Variants in ALKBH2 observed in about 807,000 individuals in gnomAD.
ALKBH2 encodes alkB homolog 2, alpha-ketoglutarate dependent dioxygenase.
In ALKBH2, 19 loss-of-function variants were observed where a neutral mutation model predicts 19.7. The observed-to-expected ratio is 0.97, with a 90% confidence interval of 0.67 to 1.42. The LOEUF is 1.42. ALKBH2 is among the 40% of genes most tolerant of loss of function. The pLI, the probability that ALKBH2 is intolerant of heterozygous loss-of-function variation, is 0.00. For synonymous variants in ALKBH2, 135 were observed against 131.2 expected, an observed-to-expected ratio of 1.03 and a Z score of -0.20; for missense variants, 310 against 328.5, an observed-to-expected ratio of 0.94 and a Z score of 0.43.
chr12:109,093,470 G>A lies in ALKBH2; in HGVS notation c.-375C>T, dbSNP rs1264124278. ...ACCCTGGTGGCCTCGTGGTGGGAAA[G>A]ACGCGCCCCAGCGAATCGGTCGCGT... is the stretch of plus-strand genomic sequence containing the variant. On this transcript the variant is annotated 5_prime_UTR_variant, in exon 1 of 4. Coordinates refer to ENST00000429722, the MANE Select transcript of ALKBH2 (RefSeq NM_001145374.2). 1.3e-5 allele frequency: 2 copies of A among 152,264 alleles called. No individual in the cohort carries two copies. The highest frequency in any genetic ancestry group is 2.9e-5 in the Non-Finnish European group (2 of 68,056). The allele number at this position is 152,264 out of a possible 1,614,324, so 9.4% of individuals were successfully genotyped here. A position where few individuals can be genotyped will look rare whatever the true frequency, so the allele number is the denominator to read the frequency against.
intron 2 of ALKBH2, among the ~76,000 whole-genome samples, chr12:109,091,816 C>T (rs1327886626): frequency 6.6e-6 from 1 of 152,210 alleles, no homozygotes; most frequent in East Asian, 1.9e-4. Context: ...TCCCAAAGTG[C>T]TGGGATTACA....
intron 3 of ALKBH2, 36 bp downstream of exon 3, chr12:109,089,973 G>A (rs1209833813): frequency 3.1e-6 from 5 of 1,608,504 alleles, no homozygotes; most frequent in Non-Finnish European, 4.3e-6. Flanking sequence ...GGAGACAGAA[G>A]ACTTGTAACA....
chr12:109,092,657 C>G lies in ALKBH2; in HGVS notation c.130G>C (p.Glu44Gln), dbSNP rs1170446894. 1 of 1,614,168 alleles carries G rather than the reference C, an allele frequency of 6.2e-7. No homozygotes were observed. The highest frequency in any genetic ancestry group is 1.7e-5 in the Admixed American group (1 of 60,022). The change falls in exon 2 of 4, where the codon GAG (glutamate) becomes CAG (glutamine). Residue 44 changes from glutamate (E) to glutamine (Q), a missense_variant. Physicochemically the swap from Glu to Gln is conservative, Grantham distance 29. Coordinates refer to ENST00000429722, the MANE Select transcript of ALKBH2 (RefSeq NM_001145374.2). The part of the protein sequence containing the change: ...KESTRKRPRR[E>Q]APGNGGHSAG... ...GAGTGGCCTCCATTCCCTGGGGCCT[C>G]TCTCCTGGGCCTCTTCCTTGTGCTT...
chr12:109,089,528 C>G (rs1052367119), intron 3 of ALKBH2: 6 of 186,136 alleles, frequency 3.2e-5, no homozygotes, highest in African/African-American at 9.4e-5. Context: ...TGCAGTGCTG[C>G]CGTTGAGAAA....
chr12:109,090,352 G>A (rs552148611), intron 2 of ALKBH2, 145 bp from the exon 3 acceptor site: 5 of 689,078 alleles, frequency 7.3e-6, no homozygotes, highest in Non-Finnish European at 1.2e-5. Context: ...AGGGAAGTAA[G>A]GAATAACATT....
intron 2 of ALKBH2, among the ~76,000 whole-genome samples, chr12:109,091,793 G>A (rs1189703481): frequency 6.6e-6 from 1 of 152,100 alleles, no homozygotes; most frequent in Non-Finnish European, 1.5e-5. Context: ...CAAGTGATTC[G>A]CCCGTCTCGG....
chr12:109,090,136 C>A lies in ALKBH2; in HGVS notation c.352G>T (p.Ala118Ser). ...CCTGAAAATGTGTAGGTCAGCCCAG[C>A]GTCGCCATACGTTGCCTGCTTCCTG... The part of the protein sequence containing the change: ...VPRKQATYGD[A>S]GLTYTFSGLT... Residue 118 changes from alanine to serine, a missense_variant, in exon 3 of 4, where the codon GCT (alanine) becomes TCT (serine). Physicochemically the swap from Ala to Ser is moderately conservative, Grantham distance 99. Coordinates refer to ENST00000429722, the MANE Select transcript of ALKBH2 (RefSeq NM_001145374.2). 1 of 1,614,022 alleles carries A rather than the reference C, an allele frequency of 6.2e-7. No individual in the cohort carries two copies. The highest frequency in any genetic ancestry group is 1.1e-5 in the South Asian group (1 of 91,076).
rs2135871935 is a variant in ALKBH2, at chr12:109,092,810, A to G, written c.-24T>C. On this transcript the variant is annotated 5_prime_UTR_variant, in exon 2 of 4. Coordinates refer to ENST00000429722, the MANE Select transcript of ALKBH2 (RefSeq NM_001145374.2). ...ATCCTGTCCCCACAGGAAAGAAGGG[A>G]CGTCAGTGGCGAGGCCAAGACAGAA... 1 of 1,585,610 alleles carries G rather than the reference A, an allele frequency of 6.3e-7. No homozygotes were observed. Among genetic ancestry groups the G allele is most frequent in the South Asian group, 1.2e-5 (1 of 86,942 alleles).
intron 1 of ALKBH2, 92 bp from the exon 2 acceptor site, chr12:109,093,029 G>T: frequency 9.3e-7 from 1 of 1,071,524 alleles, no homozygotes; most frequent in Non-Finnish European, 1.2e-6. Flanking sequence ...ATCAGAATCA[G>T]CTGGCTAGCT....
rs555303538 is a variant in ALKBH2 at position 109,092,612 on chromosome 12, G to C, written c.175C>G (p.His59Asp). Residue 59 changes from histidine (H) to aspartate (D), a missense_variant, in exon 2 of 4, where the codon CAC becomes GAC. Coordinates refer to ENST00000429722, the MANE Select transcript of ALKBH2 (RefSeq NM_001145374.2). ...GGHSAGPSWR[H>D]IRAEGLDCSY... ...CAGTCCAGGCCCTCAGCCCGAATGT[G>C]CCGCCAGCTAGGGCCTGCTGAGTGG... 14 of 1,614,170 alleles carry C rather than the reference G, an allele frequency of 8.7e-6. No individual in the cohort carries two copies. The South Asian group carries it at 1.4e-4, about 16-fold the overall frequency.
intron 2 of ALKBH2, among the ~76,000 whole-genome samples, chr12:109,091,600 C>T (rs1229357360): frequency 1.3e-5 from 2 of 152,058 alleles, no homozygotes; most frequent in Admixed American, 6.6e-5. Flanking sequence ...TGCAGTGGTG[C>T]GATCTCGGCT....
chr12:109,089,613 ACTGT>A (rs1437457573), intron 3 of ALKBH2: 3 of 226,436 alleles, frequency 1.3e-5, no homozygotes, highest in African/African-American at 6.8e-5. Flanking sequence ...GATGGTTATC[ACTGT>A]CTGAAATCGT....
rs1034125378 is a variant in ALKBH2, at chr12:109,088,699, C to T, written c.480-187G>A. ...AGCCAACGCTGAAGAGGTCTGTTGA[C>T]GTATTTGTTCATGTGACTTATTTAT... On this transcript the variant is annotated intron_variant, in intron 3 of 3. Coordinates refer to ENST00000429722, the MANE Select transcript of ALKBH2 (RefSeq NM_001145374.2). This position sits in a 1 kb window ranked among gnomAD's most constrained non-coding sequence, Gnocchi z 4.2. Among the ~76,000 whole-genome samples, 2 of 152,114 alleles carry T rather than the reference C, an allele frequency of 1.3e-5. No individual in the cohort carries two copies. The highest frequency in any genetic ancestry group is 6.6e-5 in the Admixed American group (1 of 15,260).
chr12:109,088,195 T>C lies in ALKBH2; in HGVS notation c.*11A>G. 6.3e-7 allele frequency: 1 copy of C among 1,586,892 alleles called. No individual in the cohort carries two copies. The highest frequency in any genetic ancestry group is 8.6e-7 in the Non-Finnish European group (1 of 1,167,454). On this transcript the variant is annotated 3_prime_UTR_variant, in exon 4 of 4. Transcript: ENST00000429722. This position sits in a 1 kb window ranked among gnomAD's most constrained non-coding sequence, Gnocchi z 4.2. ...GGGAAAGAGAAAAGAGAAAAACTGT[T>C]AAAAATGTTTTTATTTTTTAGTAAG...
At position 109,092,602 on chromosome 12, in the gene ALKBH2, G is replaced by A. The variant is rs749734125; in HGVS notation, c.185C>T (p.Ala62Val). The A allele has an allele frequency of 1.9e-6, 3 of 1,613,998 alleles. No individual in the cohort carries two copies. The African/African-American group carries it at 4.0e-5, about 22-fold the overall frequency. The change falls in exon 2 of 4, where the codon GCT becomes GTT. Residue 62 changes from alanine to valine, a missense_variant. Transcript: ENST00000429722. ...TGTGTAACTGCAGTCCAGGCCCTCAGCCCGAATGTGCCGCCAGCTAGGGCC... is the reference window on the plus strand; with the variant it reads ...TGTGTAACTGCAGTCCAGGCCCTCAACCCGAATGTGCCGCCAGCTAGGGCC... ...SAGPSWRHIR[A>V]EGLDCSYTVL...
chr12:109,088,307 G>A lies in ALKBH2; in HGVS notation c.685C>T (p.Pro229Ser). ...AHGSLLMMNHPTNTHWYHSLP... is the reference protein window; with the variant it reads ...AHGSLLMMNHSTNTHWYHSLP... Reference sequence around the variant, plus strand: ...CTGTGGTACCAGTGCGTGTTGGTCGGGTGGTTCATCATTAGTAAGCTCCCG... The same window carrying A: ...CTGTGGTACCAGTGCGTGTTGGTCGAGTGGTTCATCATTAGTAAGCTCCCG... Residue 229 changes from proline (P) to serine (S), a missense_variant, in exon 4 of 4, where the codon CCG (proline) becomes TCG (serine). By Grantham distance (74) the Pro-to-Ser change is moderately conservative. Coordinates refer to ENST00000429722, the MANE Select transcript of ALKBH2 (RefSeq NM_001145374.2). This position sits in a 1 kb window ranked among gnomAD's most constrained non-coding sequence, Gnocchi z 4.2. 1.2e-6 allele frequency: 2 copies of A among 1,614,138 alleles called. No individual in the cohort carries two copies. The highest frequency in any genetic ancestry group is 8.5e-7 in the Non-Finnish European group (1 of 1,180,026).
chr12:109,093,293 C>T lies in ALKBH2; in HGVS notation c.-198G>A, dbSNP rs1190462824. On this transcript the variant is annotated 5_prime_UTR_variant, in exon 1 of 4. Transcript: ENST00000429722. ...TAAAATAGATCAGTCTAGTGATGCT[C>T]AAGTGGATACGATTCAGAAGCGAGA... 1.3e-5 allele frequency: 2 copies of T among 153,570 alleles called. No individual in the cohort carries two copies. Among genetic ancestry groups the T allele is most frequent in the Non-Finnish European group, 2.9e-5 (2 of 68,948 alleles). The allele number at this position is 153,570 out of a possible 1,614,324, so 9.5% of individuals were successfully genotyped here. A position where few individuals can be genotyped will look rare whatever the true frequency, so the allele number is the denominator to read the frequency against.
Position 109,088,269 on chromosome 12 carries a change from T to C in ALKBH2, c.723A>G (p.Arg241=). ...TCACCCGTGGAGCCAGAACCTTCTTTCTCACGGGAAGACTGTGGTACCAGT... is the reference window on the plus strand; with the variant it reads ...TCACCCGTGGAGCCAGAACCTTCTTCCTCACGGGAAGACTGTGGTACCAGT... ...NTHWYHSLPV[R]KKVLAPRVNL... is the part of the protein sequence containing the mutation. The change falls in exon 4 of 4, where the codon AGA becomes AGG. Residue 241 remains arginine (R), a synonymous_variant. Transcript: ENST00000429722. The surrounding 1 kb of genome is among the most constrained non-coding windows in gnomAD (Gnocchi z 4.2). 6.2e-7 allele frequency: 1 copy of C among 1,613,790 alleles called. No individual in the cohort carries two copies. Among genetic ancestry groups the C allele is most frequent in the South Asian group, 1.1e-5 (1 of 91,078 alleles).
At chr12:109,091,254 T>C (rs900847070) in intron 2 of ALKBH2, among the ~76,000 whole-genome samples, 9 of 152,150 alleles carry the variant, frequency 5.9e-5, no homozygotes, top group African/African-American at 2.4e-5. Flanking sequence ...GGCTTGGTGG[T>C]GTACATCTGT....
Sources: gnomAD v4.1 joint callset for allele counts (sites outside exome capture counted in the v4.1 genomes callset) on GRCh38, gnomAD v4.1.1 for gene constraint, Gnocchi (gnomAD v3.1) non-coding constraint, MANE v1.5 for transcripts, NCBI Gene and HGNC (gene_info 2026-07-23, HGNC 2026-07-21) for gene names.